The following SEMA6B variants were observed in gnomAD, a reference collection of about 807,000 sequenced individuals.
SEMA6B encodes the protein semaphorin 6B.
SEMA6B carries 47 observed loss-of-function variants against 78.6 expected under a neutral mutation model. That is an observed-to-expected ratio of 0.60 (90% CI 0.47 to 0.76). The LOEUF (loss-of-function observed/expected upper bound fraction) is 0.76. SEMA6B is among the 30% of genes least tolerant of loss of function. SEMA6B has a pLI of 0.00. For synonymous variants in SEMA6B, 632 were observed against 592.2 expected (o/e 1.07, Z -0.98); for missense variants, 1,213 against 1,269.9 (o/e 0.96, Z 0.68).
intron 4 of SEMA6B, 35 bp from the exon 5 acceptor site, chr19:4,557,048 G>A (rs751543118): frequency 1.9e-6 from 3 of 1,605,728 alleles, no homozygotes; most frequent in Non-Finnish European, 2.6e-6. Flanking sequence ...GGGGTAACGG[G>A]TCCCAGCAGC....
chr19:4,557,612 CA>C (rs1464137194), intron 3 of SEMA6B, among the ~76,000 whole-genome samples: 1 of 152,206 alleles, frequency 6.6e-6, no homozygotes, highest in Non-Finnish European at 1.5e-5. Flanking sequence ...TCATCCTCTC[CA>C]AAGCATTTGA....
At chr19:4,547,923 A>C in intron 14 of SEMA6B, 104 bp downstream of exon 14, 1 of 1,381,898 alleles carries the variant, frequency 7.2e-7, no homozygotes. Context: ...TGCCCAGCTC[A>C]ATGACCAGGA....
chr19:4,551,827 C>CAA lies in SEMA6B; in HGVS notation c.989+593_989+594dup, dbSNP rs55662689. Among the ~76,000 whole-genome samples the CAA allele has an allele frequency of 5.1e-4, 76 of 147,748 alleles. 1 individual carries two copies. Among genetic ancestry groups the CAA allele is most frequent in the South Asian group, 2.4e-3 (11 of 4,632 alleles). On this transcript the variant is annotated intron_variant, in intron 10 of 16. Transcript: ENST00000586582. ...CTGGGCAACAAGAGTGAAACTGTCT[C>CAA]AAAAAAAAAACCAAACCAAACAAAC...
intron 4 of SEMA6B, 39 bp from the exon 5 acceptor site, chr19:4,557,052 C>G: frequency 6.2e-7 from 1 of 1,605,944 alleles, no homozygotes; most frequent in African/African-American, 1.3e-5. Context: ...TAACGGGTCC[C>G]AGCAGCCCTG....
chr19:4,543,464 G>GC lies in SEMA6B; in HGVS notation c.*136dup, dbSNP rs770076694. 976 of 406,228 alleles carry GC rather than the reference G, an allele frequency of 2.4e-3. 3 individuals carry two copies. Among genetic ancestry groups the GC allele is most frequent in the Non-Finnish European group, 3.3e-3 (764 of 234,282 alleles). 25.2% of individuals were successfully genotyped at this position (406,228 alleles called of 1,614,324 possible). A position where few individuals can be genotyped will look rare whatever the true frequency, so the allele number is the denominator to read the frequency against. On this transcript the variant is annotated 3_prime_UTR_variant, in exon 17 of 17. Coordinates refer to ENST00000586582, the MANE Select transcript of SEMA6B (RefSeq NM_032108.4). Reference sequence around the variant, plus strand: ...GTTGTGCTTCCTTGTGGCGGAGGGGGCCCCCCACTCCGCGGGTGGGTCGCG... The same window carrying GC: ...GTTGTGCTTCCTTGTGGCGGAGGGGGCCCCCCCACTCCGCGGGTGGGTCGCG...
At position 4,542,989 on chromosome 19, in the gene SEMA6B, C is replaced by T. The variant is rs960561930; in HGVS notation, c.*612G>A. On this transcript the variant is annotated 3_prime_UTR_variant, in exon 17 of 17. Transcript: ENST00000586582. ...AGCGTCGGCTCAGCCAACGCCCAGG[C>T]CGCTGGGGCCACCACGATCGTCGCT... is the stretch of plus-strand genomic sequence containing the variant. The T allele has an allele frequency of 2.9e-6, 2 of 697,122 alleles. No homozygotes were observed. Among genetic ancestry groups the T allele is most frequent in the African/African-American group, 3.5e-5 (2 of 57,044 alleles). The allele number at this position is 697,122 out of a possible 1,614,324, so 43.2% of individuals were successfully genotyped here. A position where few individuals can be genotyped will look rare whatever the true frequency, so the allele number is the denominator to read the frequency against.
At position 4,542,932 on chromosome 19, in the gene SEMA6B, C is replaced by A. The variant is rs1977055694; in HGVS notation, c.*669G>T. The A allele has an allele frequency of 1.4e-6, 1 of 700,788 alleles. No homozygotes were observed. Among genetic ancestry groups the A allele is most frequent in the African/African-American group, 1.8e-5 (1 of 57,126 alleles). The allele number at this position is 700,788 out of a possible 1,614,324, so 43.4% of individuals were successfully genotyped here. A position where few individuals can be genotyped will look rare whatever the true frequency, so the allele number is the denominator to read the frequency against. ...GGGGGGTTCAAACTCCTAACCGGCA[C>A]CTCGGAGACCCCCGGGCCTTCTGGA... On this transcript the variant is annotated 3_prime_UTR_variant, in exon 17 of 17. Coordinates refer to ENST00000586582, the MANE Select transcript of SEMA6B (RefSeq NM_032108.4).
At position 4,543,558 on chromosome 19, in the gene SEMA6B, G is replaced by A. The variant is rs1177783200; in HGVS notation, c.*43C>T. 9.3e-7 allele frequency: 1 copy of A among 1,075,850 alleles called. No individual in the cohort carries two copies. Among genetic ancestry groups the A allele is most frequent in the African/African-American group, 1.6e-5 (1 of 61,788 alleles). The allele number at this position is 1,075,850 out of a possible 1,614,324, so 66.6% of individuals were successfully genotyped here. A position where few individuals can be genotyped will look rare whatever the true frequency, so the allele number is the denominator to read the frequency against. ...GTTCTGGCACCGTCTCTCGCTCCTG[G>A]TTCCCGTGGCTGGCACTGCCAAGGC... On this transcript the variant is annotated 3_prime_UTR_variant, in exon 17 of 17. Transcript: ENST00000586582.
rs768164336 is a variant in SEMA6B at position 4,548,364 on chromosome 19, C to T, written c.1353G>A (p.Ala451=). ...NQTVVFLGSE[A]GTVLKFLVRP... ...GGACGAGGAACTTGAGGACCGTCCC[C>T]GCCTCAGAACCCAGGAAGACAACGG... The change falls in exon 13 of 17, where the codon GCG becomes GCA. Residue 451 remains alanine (A), a synonymous_variant. Transcript: ENST00000586582. 1.6e-5 allele frequency: 26 copies of T among 1,613,902 alleles called. No individual in the cohort carries two copies. Among genetic ancestry groups the T allele is most frequent in the Middle Eastern group, 1.6e-4 (1 of 6,062 alleles).
intron 14 of SEMA6B, 81 bp from the exon 15 acceptor site, chr19:4,546,550 T>G: frequency 1.3e-6 from 1 of 772,372 alleles, no homozygotes; most frequent in Non-Finnish European, 1.9e-6. Flanking sequence ...CTGTGGGCCC[T>G]GTTCCAAGCA....
chr19:4,544,303 GC>G lies in SEMA6B; in HGVS notation c.1964del (p.Gly655AlafsTer30). The stretch of plus-strand genomic sequence containing the variant: ...CCCCGGGACCCTGCGCCCTGCGCTC[GC>G]CCAGGCGGCTGACGCTCAGCACCGC... ...GEAVLSVSRLGERRAQGPGGR... is the reference protein window; with the variant it reads ...GEAVLSVSRLXERRAQGPGGR... On this transcript the variant is annotated frameshift_variant, in exon 17 of 17. Coordinates refer to ENST00000586582, the MANE Select transcript of SEMA6B (RefSeq NM_032108.4). LOFTEE classifies it high-confidence loss of function. This position sits in a 1 kb window ranked among gnomAD's most constrained non-coding sequence, Gnocchi z 5.1. The G allele has an allele frequency of 6.8e-7, 1 of 1,471,094 alleles. No individual in the cohort carries two copies. Among genetic ancestry groups the G allele is most frequent in the South Asian group, 1.3e-5 (1 of 76,732 alleles). The allele number at this position is 1,471,094 out of a possible 1,614,324, so 91.1% of individuals were successfully genotyped here.
chr19:4,554,081 G>A (rs1349023263), intron 9 of SEMA6B, among the ~76,000 whole-genome samples: 2 of 151,958 alleles, frequency 1.3e-5, no homozygotes, highest in Admixed American at 6.6e-5. Context: ...GCAGGTAGAC[G>A]GATGGACAGG....
Position 4,544,363 on chromosome 19 carries a change from G to T in SEMA6B, c.1905C>A (p.Asp635Glu). 6.3e-7 allele frequency: 1 copy of T among 1,575,916 alleles called. No individual in the cohort carries two copies. The change falls in exon 17 of 17, where the codon GAC becomes GAA. Residue 635 changes from aspartate to glutamate, a missense_variant. Coordinates refer to ENST00000586582, the MANE Select transcript of SEMA6B (RefSeq NM_032108.4). The surrounding 1 kb of genome is among the most constrained non-coding windows in gnomAD (Gnocchi z 5.1). Reference protein sequence around the residue: ...RERRELARRKDKEAILAHGAG... With the variant: ...RERRELARRKEKEAILAHGAG... ...CCCCGTGCGCCAGGATGGCCTCCTT[G>T]TCCTTGCGCCGGGCCAGCTCCCGCC...
At position 4,548,128 on chromosome 19, in the gene SEMA6B, G is replaced by T; in HGVS notation, c.1500C>A (p.Ser500Arg). Reference protein sequence around the residue: ...GGGETGQRLLSLELDAASGGL... With the variant: ...GGGETGQRLLRLELDAASGGL... ...CCCCCGAAGCTGCGTCCAGCTCCAA[G>T]CTCAGCAGCCGCTGCCCTGTCTCGC... Residue 500 changes from serine to arginine, a missense_variant, in exon 14 of 17, where the codon AGC becomes AGA. Physicochemically the swap from Ser to Arg is moderately radical, Grantham distance 110. Coordinates refer to ENST00000586582, the MANE Select transcript of SEMA6B (RefSeq NM_032108.4). 1.9e-6 allele frequency: 3 copies of T among 1,592,508 alleles called. No individual in the cohort carries two copies. The highest frequency in any genetic ancestry group is 2.6e-6 in the Non-Finnish European group (3 of 1,172,650).
At position 4,542,778 on chromosome 19, in the gene SEMA6B, C is replaced by T. The variant is rs1377701060; in HGVS notation, c.*823G>A. The T allele has an allele frequency of 1.4e-6, 1 of 700,506 alleles. No individual in the cohort carries two copies. The highest frequency in any genetic ancestry group is 1.5e-5 in the South Asian group (1 of 66,758). 43.4% of individuals were successfully genotyped at this position (700,506 alleles called of 1,614,324 possible). A position where few individuals can be genotyped will look rare whatever the true frequency, so the allele number is the denominator to read the frequency against. Reference sequence around the variant, plus strand: ...GGGCCGTATTTACAGAGGGGCCCCACCCACCTTCGCCGCCCCCCAGGCCCC... The same window carrying T: ...GGGCCGTATTTACAGAGGGGCCCCATCCACCTTCGCCGCCCCCCAGGCCCC... On this transcript the variant is annotated 3_prime_UTR_variant, in exon 17 of 17. Transcript: ENST00000586582.
rs971980632 is a variant in SEMA6B, at chr19:4,558,791, T to C, written c.-32-302A>G. Among the ~76,000 whole-genome samples, 3 of 151,712 alleles carry C rather than the reference T, an allele frequency of 2.0e-5. No individual in the cohort carries two copies. Among genetic ancestry groups the C allele is most frequent in the African/African-American group, 4.8e-5 (2 of 41,276 alleles). On this transcript the variant is annotated intron_variant, in intron 1 of 16. Transcript: ENST00000586582. The surrounding 1 kb of genome is among the most constrained non-coding windows in gnomAD (Gnocchi z 5.1). ...ATACAAATATCCTAAAACATATATT[T>C]AAAAATGCAATCGCAAAATACATGC...
At chr19:4,547,314 G>A (rs1323125162) in intron 14 of SEMA6B, among the ~76,000 whole-genome samples, 1 of 152,138 alleles carries the variant, frequency 6.6e-6, no homozygotes, top group Non-Finnish European at 1.5e-5. Flanking sequence ...ACAAATCTGT[G>A]TGCAGGGCAC....
In SEMA6B at chr19:4,543,048, G is replaced by T. The variant is rs1568250730; in HGVS notation, c.*553C>A. 1.1e-5 allele frequency: 7 copies of T among 663,718 alleles called. No individual in the cohort carries two copies. Among genetic ancestry groups the T allele is most frequent in the Non-Finnish European group, 1.9e-5 (7 of 362,356 alleles). The allele number at this position is 663,718 out of a possible 1,614,324, so 41.1% of individuals were successfully genotyped here. On this transcript the variant is annotated 3_prime_UTR_variant, in exon 17 of 17. Transcript: ENST00000586582. The stretch of plus-strand genomic sequence containing the variant: ...CACACCCTGCACGCGTGGCCCACTT[G>T]ACACACACGCCCACAGCAGCCTTCG...
intron 16 of SEMA6B, 177 bp downstream of exon 16, chr19:4,546,039 G>A (rs1316516923): frequency 1.7e-6 from 1 of 572,344 alleles, no homozygotes; most frequent in African/African-American, 1.9e-5. Context: ...CCAAAGTGCT[G>A]GGATTACAGG....
Sources: gnomAD v4.1 joint callset for allele counts (sites outside exome capture counted in the v4.1 genomes callset) on GRCh38, gnomAD v4.1.1 for gene constraint, Gnocchi (gnomAD v3.1) non-coding constraint, MANE v1.5 for transcripts, NCBI Gene and HGNC (gene_info 2026-07-23, HGNC 2026-07-21) for gene names.